Variants in VPS8 observed in about 807,000 individuals in gnomAD.
VPS8 encodes vacuolar protein sorting-associated protein 8 homolog.
Under a neutral mutation model 216.4 loss-of-function variants are expected in VPS8, and 129 were observed. That is an observed-to-expected ratio of 0.60 (90% CI 0.52 to 0.69). The LOEUF (loss-of-function observed/expected upper bound fraction) is 0.69, where lower values mean the gene tolerates loss of function less well. Ranked by LOEUF, VPS8 falls within the 30% of genes least tolerant of loss-of-function variation. VPS8 has a pLI of 0.00. For synonymous variants in VPS8, 571 were observed against 565.4 expected (o/e 1.01, Z -0.14); for missense variants, 1,531 against 1,683.5 (o/e 0.91, Z 1.59).
intron 8 of VPS8, among the ~76,000 whole-genome samples, chr3:184,846,211 A>AT (rs1266035868): frequency 6.6e-6 from 1 of 152,198 alleles, no homozygotes; most frequent in Admixed American, 6.5e-5. Context: ...CAACAAATAT[A>AT]TTGTAAAAAA....
chr3:184,908,884 G>A (rs1363812513), intron 25 of VPS8, among the ~76,000 whole-genome samples: 2 of 152,226 alleles, frequency 1.3e-5, no homozygotes, highest in Non-Finnish European at 2.9e-5. Context: ...GGGAGGGGCA[G>A]GCTGTAGCAG....
At chr3:184,927,590 G>A (rs112824562) in intron 31 of VPS8, among the ~76,000 whole-genome samples, 9 of 152,162 alleles carry the variant, frequency 5.9e-5, no homozygotes, top group Non-Finnish European at 1.2e-4. Context: ...TAAAATAGAC[G>A]TAACACATAA....
At chr3:184,930,060 T>G (rs1421528330) in intron 33 of VPS8, among the ~76,000 whole-genome samples, 3 of 152,036 alleles carry the variant, frequency 2.0e-5, no homozygotes, top group Non-Finnish European at 1.5e-5. Context: ...GCAAGAGACC[T>G]GAGGTGGGGA....
At chr3:184,901,931 G>A (rs148601727) in intron 25 of VPS8, among the ~76,000 whole-genome samples, 37 of 152,200 alleles carry the variant, frequency 2.4e-4, no homozygotes, top group Admixed American at 2.0e-3. Flanking sequence ...CCACATCCTT[G>A]CAAGCACTTG....
intron 29 of VPS8, 148 bp downstream of exon 29, chr3:184,920,346 C>A: frequency 1.8e-6 from 1 of 555,660 alleles, no homozygotes; most frequent in Non-Finnish European, 3.0e-6. Context: ...TTCTCAAGAG[C>A]TGAATTAAGT....
chr3:184,924,779 C>A, intron 29 of VPS8, 83 bp from the exon 30 acceptor site: 1 of 1,465,574 alleles, frequency 6.8e-7, no homozygotes, highest in Non-Finnish European at 9.0e-7. Context: ...AGTCATGAGG[C>A]TATCCCGTCT....
intron 42 of VPS8, among the ~76,000 whole-genome samples, chr3:184,992,643 A>G (rs971109322): frequency 6.6e-6 from 1 of 152,150 alleles, no homozygotes; most frequent in South Asian, 2.1e-4. Flanking sequence ...TTAAAGTAGC[A>G]GCTACTTTTA....
chr3:184,943,448 G>A (rs931722468), intron 36 of VPS8, among the ~76,000 whole-genome samples: 18 of 152,144 alleles, frequency 1.2e-4, no homozygotes, highest in Admixed American at 2.0e-4. Context: ...TAAAGGATTA[G>A]AGTCTTTTCA....
chr3:184,940,146 GA>G, intron 35 of VPS8, 50 bp from the exon 36 acceptor site: 1 of 1,163,738 alleles, frequency 8.6e-7, no homozygotes, highest in East Asian at 2.8e-5. Flanking sequence ...TGGAATATTT[GA>G]AAAATTTGTT....
At chr3:184,919,989 G>A (rs1318134961) in intron 28 of VPS8, 138 bp from the exon 29 acceptor site, 2 of 611,006 alleles carry the variant, frequency 3.3e-6, no homozygotes, top group East Asian at 3.1e-5. Context: ...CACGCAAGGT[G>A]TATAAGACAA....
intron 25 of VPS8, among the ~76,000 whole-genome samples, chr3:184,902,461 C>T (rs991675695): frequency 2.4e-4 from 36 of 151,094 alleles, no homozygotes; most frequent in African/African-American, 4.4e-4. Context: ...CCAGCTTGGG[C>T]GACAGAGCAA....
At chr3:184,896,172 C>T (rs1733433331) in intron 23 of VPS8, among the ~76,000 whole-genome samples, 1 of 151,974 alleles carries the variant, frequency 6.6e-6, no homozygotes, top group South Asian at 2.1e-4. Context: ...CTGTTTTATA[C>T]CTGCCTTTGT....
intron 37 of VPS8, among the ~76,000 whole-genome samples, chr3:184,960,968 A>G (rs1332992227): frequency 2.6e-5 from 4 of 152,188 alleles, no homozygotes; most frequent in African/African-American, 9.7e-5. Context: ...CTTTCCATTT[A>G]TTTTAGTAAA....
At chr3:184,962,575 T>C (rs968919387) in intron 37 of VPS8, among the ~76,000 whole-genome samples, 21 of 152,184 alleles carry the variant, frequency 1.4e-4, no homozygotes, top group African/African-American at 3.1e-4. Context: ...GTTTCTCTTA[T>C]TGAGTTCAAG....
At chr3:184,869,417 C>T in intron 19 of VPS8, 65 bp from the exon 20 acceptor site, 1 of 1,487,386 alleles carries the variant, frequency 6.7e-7, no homozygotes, top group Non-Finnish European at 9.3e-7. Context: ...TGAAACCAGA[C>T]ATAGTTTCAC....
intron 46 of VPS8, among the ~76,000 whole-genome samples, chr3:185,031,073 T>G (rs952539648): frequency 9.1e-5 from 13 of 143,238 alleles, no homozygotes; most frequent in East Asian, 2.0e-4. Context: ...GTTTTTTTTT[T>G]TTTTTTTTTT....
At chr3:184,977,323 T>C (rs1749438428) in intron 40 of VPS8, among the ~76,000 whole-genome samples, 1 of 152,196 alleles carries the variant, frequency 6.6e-6, no homozygotes, top group Non-Finnish European at 1.5e-5. Context: ...TTTTGCTTGT[T>C]GATGTAAGTT....
chr3:184,917,719 T>C (rs1737861530), intron 28 of VPS8, among the ~76,000 whole-genome samples: 3 of 152,256 alleles, frequency 2.0e-5, no homozygotes, highest in Admixed American at 2.0e-4. Context: ...ATTTGGACTT[T>C]ATACTACAGC....
At chr3:184,901,211 C>T in intron 25 of VPS8, 1 of 444,084 alleles carries the variant, frequency 2.3e-6, no homozygotes, top group Non-Finnish European at 4.0e-6. Flanking sequence ...CACTGATCTA[C>T]TTTCTGTCAC....
Sources: allele counts gnomAD v4.1 joint callset (sites outside exome capture counted in the v4.1 genomes callset), GRCh38; gene constraint gnomAD v4.1.1; transcripts MANE v1.5; gene names NCBI Gene and HGNC (gene_info 2026-07-23, HGNC 2026-07-21).